ACIN1: variants seen among roughly 807,000 people sequenced by gnomAD.
ACIN1 encodes apoptotic chromatin condensation inducer in the nucleus.
A neutral mutation model predicts 146.6 loss-of-function variants in ACIN1; 16 were observed. The ratio of observed to expected loss-of-function variants is 0.11; its 90% CI spans 0.07 to 0.17. The LOEUF is 0.17. Among genes scored for constraint, ACIN1 ranks in the 10% least tolerant of loss-of-function variants. The pLI is 1.00. For synonymous variants in ACIN1, 569 were observed against 582.7 expected, an observed-to-expected ratio of 0.98 and a Z score of 0.34; for missense variants, 1,357 against 1,609.3, an observed-to-expected ratio of 0.84 and a Z score of 2.68.
At position 23,058,586 on chromosome 14, in the gene ACIN1, A is replaced by AT. The variant is rs139787769; in HGVS notation, c.*561dup. 13 of 153,356 alleles carry AT rather than the reference A, an allele frequency of 8.5e-5. No homozygotes were observed. The highest frequency in any genetic ancestry group is 1.9e-4 in the Admixed American group (3 of 15,442). The allele number at this position is 153,356 out of a possible 1,614,324, so 9.5% of individuals were successfully genotyped here. Reference sequence around the variant, plus strand: ...CAGTTTAAAACTAAGTCAGATTTTTATTTTTTTTTCCATAGACCACATCAT... The same window carrying AT: ...CAGTTTAAAACTAAGTCAGATTTTTATTTTTTTTTTCCATAGACCACATCAT... On this transcript the variant is annotated 3_prime_UTR_variant, in exon 19 of 19. Transcript: ENST00000605057.
intron 14 of ACIN1, 138 bp downstream of exon 14, chr14:23,062,791 A>C: frequency 1.8e-6 from 2 of 1,111,956 alleles, no homozygotes; most frequent in Non-Finnish European, 2.5e-6. Flanking sequence ...TAAATATGTT[A>C]AGTAACTCAC....
Position 23,059,129 on chromosome 14 carries a change from A to G in ACIN1, c.*19T>C, listed in dbSNP as rs2047184795. On this transcript the variant is annotated 3_prime_UTR_variant, in exon 19 of 19. Coordinates refer to ENST00000605057, the MANE Select transcript of ACIN1 (RefSeq NM_001386863.1). ...CTGGGGCCGAGTGGCTGGTACCTGC[A>G]GCTCTAGTGTTTTCCCAGCTAGCGG... 6.2e-7 allele frequency: 1 copy of G among 1,609,330 alleles called. No individual in the cohort carries two copies. The highest frequency in any genetic ancestry group is 2.2e-5 in the East Asian group (1 of 44,790).
rs776112139 is a variant in ACIN1, at chr14:23,079,850, T to C, written c.1485A>G (p.Glu495=). 2 of 1,614,202 alleles carry C rather than the reference T, an allele frequency of 1.2e-6. No individual in the cohort carries two copies. Among genetic ancestry groups the C allele is most frequent in the South Asian group, 2.2e-5 (2 of 91,088 alleles). The change falls in exon 6 of 19, where the codon GAA becomes GAG. Residue 495 remains glutamate, a synonymous_variant. Transcript: ENST00000605057. ...GAGAAGCTCTTCTGCCTTCCTTCTGTTCCAAAGATGGCTGTTTCAGACATT... is the reference window on the plus strand; with the variant it reads ...GAGAAGCTCTTCTGCCTTCCTTCTGCTCCAAAGATGGCTGTTTCAGACATT... ...TEECLKQPSL[E]QKEGRRASHT...
Position 23,060,958 on chromosome 14 carries a change from G to A in ACIN1, c.3525+126C>T, listed in dbSNP as rs375357618. ...TAACTGAAAACTGCCTTTTTGTGAT[G>A]CTTAGTTTATCCTAAACCTAGGAAG... On this transcript the variant is annotated intron_variant, in intron 18 of 18. Coordinates refer to ENST00000605057, the MANE Select transcript of ACIN1 (RefSeq NM_001386863.1). The A allele has an allele frequency of 1.6e-4, 137 of 858,094 alleles. 3 individuals carry two copies. The highest frequency in any genetic ancestry group is 1.3e-3 in the East Asian group (51 of 38,088). The allele number at this position is 858,094 out of a possible 1,614,324, so 53.2% of individuals were successfully genotyped here.
chr14:23,068,065 AC>A lies in ACIN1; in HGVS notation c.2265+1410del. On this transcript the variant is annotated intron_variant, in intron 9 of 18. Transcript: ENST00000605057. This position sits in a 1 kb window ranked among gnomAD's most constrained non-coding sequence, Gnocchi z 4.3. ...AACATGCTGCCCTTCACCATGGACA[AC>A]AGGGACCAAAGGAAAGTCCATCTGA... 5 of 985,886 alleles carry A rather than the reference AC, an allele frequency of 5.1e-6. No individual in the cohort carries two copies. Among genetic ancestry groups the A allele is most frequent in the Non-Finnish European group, 6.0e-6 (5 of 829,962 alleles). 61.1% of individuals were successfully genotyped at this position (985,886 alleles called of 1,614,324 possible).
chr14:23,059,076 G>C lies in ACIN1; in HGVS notation c.*72C>G. ...CCTTGGCTCCAGGGTGGTGGAGACT[G>C]TGCCTATCCCTCTGTGGCCATAACC... On this transcript the variant is annotated 3_prime_UTR_variant, in exon 19 of 19. Coordinates refer to ENST00000605057, the MANE Select transcript of ACIN1 (RefSeq NM_001386863.1). 4.8e-6 allele frequency: 7 copies of C among 1,448,068 alleles called. No homozygotes were observed. The highest frequency in any genetic ancestry group is 6.7e-6 in the Non-Finnish European group (7 of 1,047,286). 89.7% of individuals were successfully genotyped at this position (1,448,068 alleles called of 1,614,324 possible).
In ACIN1 at chr14:23,092,832, G is replaced by A. The variant is rs555788670; in HGVS notation, c.204+647C>T. Among the ~76,000 whole-genome samples, 14 of 152,242 alleles carry A rather than the reference G, an allele frequency of 9.2e-5. 1 individual carries two copies. The East Asian group carries it at 2.5e-3, about 27-fold the overall frequency. On this transcript the variant is annotated intron_variant, in intron 2 of 18. Transcript: ENST00000605057. Reference sequence around the variant, plus strand: ...TGAGCCTTGCTTACTTGGGAAAAAGGTATTTCCCCTAGGAAGCTCCCCAAA... The same window carrying A: ...TGAGCCTTGCTTACTTGGGAAAAAGATATTTCCCCTAGGAAGCTCCCCAAA...
chr14:23,082,620 T>C (rs1012346623), intron 4 of ACIN1, among the ~76,000 whole-genome samples: 1 of 152,132 alleles, frequency 6.6e-6, no homozygotes, highest in African/African-American at 2.4e-5. Context: ...AATTTTTGTA[T>C]TTTTAGTAGA....
chr14:23,091,118 G>A (rs574495771), intron 2 of ACIN1, among the ~76,000 whole-genome samples: 10 of 151,946 alleles, frequency 6.6e-5, no homozygotes, highest in African/African-American at 1.9e-4. Flanking sequence ...TTGGTCAGAC[G>A]GGTCTCAAAC....
intron 1 of ACIN1, among the ~76,000 whole-genome samples, chr14:23,093,965 G>T (rs1202914321): frequency 1.3e-5 from 2 of 152,092 alleles, no homozygotes; most frequent in Non-Finnish European, 2.9e-5. Flanking sequence ...TGGTCAAAGG[G>T]TTACCCAGTA....
In ACIN1 at chr14:23,093,842, T is replaced by C. The variant is rs1381031677; in HGVS notation, c.139-298A>G. 3.9e-5 allele frequency among the ~76,000 whole-genome samples: 6 copies of C among 152,308 alleles called. No individual in the cohort carries two copies. The South Asian group carries it at 8.3e-4, about 21-fold the overall frequency. On this transcript the variant is annotated intron_variant, in intron 1 of 18. Coordinates refer to ENST00000605057, the MANE Select transcript of ACIN1 (RefSeq NM_001386863.1). ...AATAGAACCAGTACTAAAATCCCTA[T>C]TATCTTCTGCACTTTCGCCAAGTGC...
chr14:23,062,379 T>C lies in ACIN1; in HGVS notation c.2991+37A>G, dbSNP rs755475673. 7 of 1,610,262 alleles carry C rather than the reference T, an allele frequency of 4.3e-6. No individual in the cohort carries two copies. In the African/African-American group the frequency reaches 5.3e-5, roughly 12 times the overall value. Reference sequence around the variant, plus strand: ...CCCACACTGGTCACAAAAGGAAATATATGCCATGACCTATAGAATCAGCTT... The same window carrying C: ...CCCACACTGGTCACAAAAGGAAATACATGCCATGACCTATAGAATCAGCTT... On this transcript the variant is annotated intron_variant, in intron 15 of 18. Transcript: ENST00000605057.
At chr14:23,094,748 T>G (rs916659701) in intron 1 of ACIN1, 2 of 727,840 alleles carry the variant, frequency 2.7e-6, no homozygotes, top group South Asian at 3.8e-5. Context: ...TGGAGAGTAG[T>G]GCACACCCTC....
chr14:23,071,525 G>A (rs1030661863), intron 8 of ACIN1: 20 of 1,551,504 alleles, frequency 1.3e-5, no homozygotes, highest in Non-Finnish European at 1.7e-5. Flanking sequence ...CGGAGCGGCA[G>A]CGATCAGCCG....
intron 8 of ACIN1, among the ~76,000 whole-genome samples, chr14:23,073,731 C>G (rs975471508): frequency 1.3e-5 from 2 of 152,194 alleles, no homozygotes; most frequent in South Asian, 4.1e-4. Context: ...TACCTTCAGC[C>G]ATCCTCAAAT....
chr14:23,080,868 G>A (rs2047926513), intron 5 of ACIN1, 59 bp from the exon 6 acceptor site: 5 of 1,527,198 alleles, frequency 3.3e-6, no homozygotes, highest in Admixed American at 2.2e-5. Flanking sequence ...ACAGAGGAGA[G>A]AAAGTATCTA....
In ACIN1 at chr14:23,059,073, A is replaced by G; in HGVS notation, c.*75T>C. 1.4e-6 allele frequency: 2 copies of G among 1,419,612 alleles called. No homozygotes were observed. Among genetic ancestry groups the G allele is most frequent in the Non-Finnish European group, 2.0e-6 (2 of 1,023,662 alleles). The allele number at this position is 1,419,612 out of a possible 1,614,324, so 87.9% of individuals were successfully genotyped here. A position where few individuals can be genotyped will look rare whatever the true frequency, so the allele number is the denominator to read the frequency against. ...GACCCTTGGCTCCAGGGTGGTGGAGACTGTGCCTATCCCTCTGTGGCCATA... is the reference window on the plus strand; with the variant it reads ...GACCCTTGGCTCCAGGGTGGTGGAGGCTGTGCCTATCCCTCTGTGGCCATA... On this transcript the variant is annotated 3_prime_UTR_variant, in exon 19 of 19. Coordinates refer to ENST00000605057, the MANE Select transcript of ACIN1 (RefSeq NM_001386863.1).
chr14:23,085,130 C>G (rs1373440798), intron 4 of ACIN1, among the ~76,000 whole-genome samples: 1 of 151,388 alleles, frequency 6.6e-6, no homozygotes, highest in Non-Finnish European at 1.5e-5. Flanking sequence ...ATCACGAGGT[C>G]AGGAGATTAA....
At chr14:23,080,898 G>A (rs2140165389) in intron 5 of ACIN1, 89 bp from the exon 6 acceptor site, 1 of 1,507,280 alleles carries the variant, frequency 6.6e-7, no homozygotes, top group Non-Finnish European at 8.8e-7. Flanking sequence ...CCCCTAGGAA[G>A]GAGAAATTCA....
Sources: allele counts gnomAD v4.1 joint callset (sites outside exome capture counted in the v4.1 genomes callset), GRCh38; gene constraint gnomAD v4.1.1; non-coding constraint Gnocchi (gnomAD v3.1); transcripts MANE v1.5; gene names NCBI Gene and HGNC (gene_info 2026-07-23, HGNC 2026-07-21).